Variants in MTMR8 observed in about 807,000 individuals in gnomAD.
MTMR8 encodes phosphatidylinositol-3,5-bisphosphate 3-phosphatase MTMR8.
In MTMR8, 65 loss-of-function variants were observed where a neutral mutation model predicts 39.3. The observed-to-expected ratio is 1.65, with a 90% CI of 1.35 to 2.03. The LOEUF (loss-of-function observed/expected upper bound fraction) is 2.03, where lower values mean the gene tolerates loss of function less well. MTMR8 is among the 30% of genes most tolerant of loss of function. MTMR8 has a pLI of 0.00. For missense variants in MTMR8, 777 were observed against 538.9 expected, an observed-to-expected ratio of 1.44 and a Z score of -4.37; for synonymous variants, 245 against 185.2, an observed-to-expected ratio of 1.32 and a Z score of -2.62.
intron 12 of MTMR8, among the ~76,000 whole-genome samples, chrX:64,275,217 T>C (rs778103656): frequency 9.0e-6 from 1 of 110,617 alleles, no homozygotes; most frequent in South Asian, 3.8e-4. Flanking sequence ...AAAAGAGAAA[T>C]TTATAGTGAT....
chrX:64,302,838 C>T (rs768840016), intron 12 of MTMR8, among the ~76,000 whole-genome samples: 1 of 112,294 alleles, frequency 8.9e-6, no homozygotes, highest in South Asian at 3.7e-4. Context: ...CTTCAGAGTT[C>T]CCTGACCCAC....
intron 12 of MTMR8, among the ~76,000 whole-genome samples, chrX:64,294,035 C>T (rs528528104): frequency 2.7e-5 from 3 of 111,577 alleles, no homozygotes; most frequent in African/African-American, 6.5e-5. Flanking sequence ...TAAGGCAAGA[C>T]CCTGAAGGAT....
intron 1 of MTMR8, among the ~76,000 whole-genome samples, chrX:64,376,828 T>A (rs1924282806): frequency 8.9e-6 from 1 of 112,039 alleles, no homozygotes; most frequent in Non-Finnish European, 1.9e-5. Flanking sequence ...TTCAGAGACC[T>A]TCACAGCAGC....
At chrX:64,335,460 T>C (rs780212181) in intron 10 of MTMR8, among the ~76,000 whole-genome samples, 8 of 112,329 alleles carry the variant, frequency 7.1e-5, no homozygotes, top group Non-Finnish European at 1.5e-4. Context: ...GCCTTTGGAA[T>C]CAGCTTAGTG....
chrX:64,387,773 T>G (rs1320458793), intron 1 of MTMR8, among the ~76,000 whole-genome samples: 3 of 93,263 alleles, frequency 3.2e-5, no homozygotes, highest in Middle Eastern at 5.3e-3. Flanking sequence ...AGAGGGAAGG[T>G]AAAAAAGAAG....
At chrX:64,306,939 A>G (rs1394971622) in intron 12 of MTMR8, among the ~76,000 whole-genome samples, 1 of 111,646 alleles carries the variant, frequency 9.0e-6, no homozygotes, top group Non-Finnish European at 1.9e-5. Flanking sequence ...CCAGCATGAG[A>G]GCAGATCAGG....
chrX:64,376,435 A>G (rs746243908), intron 1 of MTMR8, among the ~76,000 whole-genome samples: 60 of 112,061 alleles, frequency 5.4e-4, no homozygotes, highest in Non-Finnish European at 7.1e-4. Flanking sequence ...AACTGGAGTA[A>G]AAGTCACTCT....
intron 12 of MTMR8, among the ~76,000 whole-genome samples, chrX:64,318,174 G>A (rs905669522): frequency 1.8e-5 from 2 of 112,090 alleles, no homozygotes; most frequent in Non-Finnish European, 3.8e-5. Context: ...GAACAGAAGT[G>A]TCTTTTAGGG....
chrX:64,378,183 A>T lies in MTMR8; in HGVS notation c.24+17157T>A, dbSNP rs764871082. The stretch of plus-strand genomic sequence containing the variant: ...CAATGCAAGAAAAAACTAATACACT[A>T]AATCTATAGTATTTTTGTTATAGCA... On this transcript the variant is annotated intron_variant, in intron 1 of 13. Coordinates refer to ENST00000374852, the MANE Select transcript of MTMR8 (RefSeq NM_017677.4). Among the ~76,000 whole-genome samples the T allele has an allele frequency of 5.4e-5, 6 of 111,969 alleles. No homozygotes were observed. The South Asian group carries it at 1.9e-3, about 35-fold the overall frequency.
chrX:64,326,381 C>A (rs778861759), intron 12 of MTMR8, among the ~76,000 whole-genome samples: 1 of 111,694 alleles, frequency 9.0e-6, no homozygotes, highest in South Asian at 3.8e-4. Flanking sequence ...CAAAAATCAG[C>A]AGTATTTTTA....
At chrX:64,284,100 T>G (rs760892105) in intron 12 of MTMR8, among the ~76,000 whole-genome samples, 1 of 111,569 alleles carries the variant, frequency 9.0e-6, no homozygotes, top group South Asian at 3.8e-4. Context: ...AATGGCTAAC[T>G]AGAATAACCA....
At chrX:64,336,682 A>C (rs1308429845) in intron 9 of MTMR8, among the ~76,000 whole-genome samples, 1 of 110,935 alleles carries the variant, frequency 9.0e-6, no homozygotes, top group Non-Finnish European at 1.9e-5. Context: ...CTGTAATCCC[A>C]GCTACTTGGG....
intron 4 of MTMR8, among the ~76,000 whole-genome samples, chrX:64,354,294 T>C (rs990365779): frequency 9.2e-6 from 1 of 108,952 alleles, no homozygotes; most frequent in African/African-American, 3.3e-5. Flanking sequence ...AATAATAAAA[T>C]AACTGAAAAT....
chrX:64,358,843 G>GCGCA (rs1555958010), intron 2 of MTMR8, among the ~76,000 whole-genome samples: 3 of 91,179 alleles, frequency 3.3e-5, no homozygotes, highest in African/African-American at 1.3e-4. Context: ...GCCCGTGCAT[G>GCGCA]CACACACACA....
At chrX:64,374,196 C>G (rs1203639047) in intron 1 of MTMR8, among the ~76,000 whole-genome samples, 1 of 111,525 alleles carries the variant, frequency 9.0e-6, no homozygotes, top group Admixed American at 9.5e-5. Flanking sequence ...AAAAGACATC[C>G]TGTGGTAAAT....
intron 12 of MTMR8, among the ~76,000 whole-genome samples, chrX:64,303,078 A>G (rs1921958389): frequency 8.9e-6 from 1 of 112,415 alleles, no homozygotes; most frequent in African/African-American, 3.2e-5. Flanking sequence ...ATCAGATGTA[A>G]AATCCTTCAA....
At chrX:64,281,925 C>CAA (rs200794848) in intron 12 of MTMR8, among the ~76,000 whole-genome samples, 16,670 of 85,134 alleles carry the variant, frequency 0.2, 4,398 homozygotes, top group African/African-American at 0.64. Context: ...AGATACTTCT[C>CAA]AAAAAAAAAA....
chrX:64,278,638 T>A (rs986812628), intron 12 of MTMR8, among the ~76,000 whole-genome samples: 11 of 108,109 alleles, frequency 1.0e-4, no homozygotes, highest in Non-Finnish European at 2.1e-4. Flanking sequence ...CATGCTCAAC[T>A]AATTTTTTGT....
intron 6 of MTMR8, among the ~76,000 whole-genome samples, chrX:64,346,260 G>A (rs1269169362): frequency 1.8e-5 from 2 of 110,670 alleles, no homozygotes; most frequent in East Asian, 2.9e-4. Context: ...ATGTGGACAG[G>A]GTATAATTTT....
Sources: allele counts gnomAD v4.1 joint callset (sites outside exome capture counted in the v4.1 genomes callset), GRCh38; gene constraint gnomAD v4.1.1; transcripts MANE v1.5; gene names NCBI Gene and HGNC (gene_info 2026-07-23, HGNC 2026-07-21).